EDN1: variants seen among roughly 807,000 people sequenced by gnomAD.
EDN1 encodes endothelin-1.
EDN1 carries 11 observed loss-of-function variants against 21.7 expected under a neutral mutation model. The observed-to-expected ratio is 0.51, with a 90% CI of 0.32 to 0.84. EDN1 has a LOEUF of 0.84. Ranked by LOEUF, EDN1 falls within the 40% of genes least tolerant of loss-of-function variation. EDN1 has a pLI of 0.03. For synonymous variants in EDN1, 85 were observed against 90.6 expected (o/e 0.94, Z 0.35); for missense variants, 244 against 262.3 (o/e 0.93, Z 0.48).
the EDN1 span, among the ~76,000 whole-genome samples, chr6:12,258,673 C>A: frequency 2.0e-5 from 3 of 152,296 alleles, no homozygotes; most frequent in East Asian, 5.8e-4. Context: ...ATCAGTGGAA[C>A]TGCATCATCA....
chr6:12,273,987 A>G, the EDN1 span, among the ~76,000 whole-genome samples: 1 of 152,174 alleles, frequency 6.6e-6, no homozygotes, highest in Non-Finnish European at 1.5e-5. Context: ...TTTCTTACCC[A>G]TATATTGTAC....
intron 2 of EDN1, 52 bp downstream of exon 2, chr6:12,292,561 A>C (rs752415227): frequency 6.2e-7 from 1 of 1,606,290 alleles, no homozygotes; most frequent in Non-Finnish European, 8.5e-7. Context: ...CGCTGGCTCC[A>C]CTGGAGCCCA....
rs1463759205 is a variant in EDN1, at chr6:12,294,362, G to GA, written c.496dup (p.Ile166AsnfsTer27). On this transcript the variant is annotated frameshift_variant, in exon 4 of 5. Coordinates refer to ENST00000379375, the MANE Select transcript of EDN1 (RefSeq NM_001955.5). LOFTEE classifies it high-confidence loss of function. ...ATTTATCAGCAGTTAGTGAGAGGAA[G>GA]AAAAATCAGAAGAAGTTCAGAGGAA... 1.2e-6 allele frequency: 2 copies of GA among 1,614,158 alleles called. No individual in the cohort carries two copies. Among genetic ancestry groups the GA allele is most frequent in the Non-Finnish European group, 1.7e-6 (2 of 1,180,040 alleles).
chr6:12,236,242 A>G, the EDN1 span, among the ~76,000 whole-genome samples: 2 of 152,112 alleles, frequency 1.3e-5, no homozygotes, highest in Non-Finnish European at 2.9e-5. Flanking sequence ...TTGAATGTAC[A>G]TTTTCTAATG....
At chr6:12,247,783 C>T in the EDN1 span, among the ~76,000 whole-genome samples, 2 of 152,016 alleles carry the variant, frequency 1.3e-5, no homozygotes, top group African/African-American at 4.8e-5. Context: ...AGGTGATCCA[C>T]CTGCTTTTGC....
At chr6:12,258,405 G>A in the EDN1 span, among the ~76,000 whole-genome samples, 240 of 122,032 alleles carry the variant, frequency 2.0e-3, no homozygotes, top group Middle Eastern at 7.5e-3. Flanking sequence ...AGCTGTGATT[G>A]CACCACCACA....
chr6:12,281,528 TAA>T, the EDN1 span, among the ~76,000 whole-genome samples: 2 of 152,238 alleles, frequency 1.3e-5, no homozygotes, highest in Non-Finnish European at 2.9e-5. Context: ...AGAGAGAGGC[TAA>T]GTGCCTTGAC....
the EDN1 span, among the ~76,000 whole-genome samples, chr6:12,238,337 C>A: frequency 6.6e-6 from 1 of 152,200 alleles, no homozygotes; most frequent in East Asian, 1.9e-4. Flanking sequence ...AGGCCAGTCC[C>A]TGTCCCAGTG....
the EDN1 span, among the ~76,000 whole-genome samples, chr6:12,231,664 T>C: frequency 6.6e-6 from 1 of 152,166 alleles, no homozygotes; most frequent in Non-Finnish European, 1.5e-5. Context: ...ATTTATTTTA[T>C]TAAACAGAGA....
chr6:12,245,528 T>C, the EDN1 span, among the ~76,000 whole-genome samples: 1 of 152,014 alleles, frequency 6.6e-6, no homozygotes, highest in Non-Finnish European at 1.5e-5. Flanking sequence ...CTGTGAGCTT[T>C]TCCAGCTTCC....
chr6:12,292,161 T>TGAAC (rs111527533), intron 1 of EDN1, among the ~76,000 whole-genome samples, 180 bp from the exon 2 acceptor site: 18,698 of 152,092 alleles, frequency 0.12, 2,197 homozygotes, highest in African/African-American at 0.31. Context: ...AGGCAAAAGG[T>TGAAC]GAACTCATGT....
the EDN1 span, among the ~76,000 whole-genome samples, chr6:12,239,710 A>T: frequency 4.0e-3 from 608 of 152,120 alleles, 4 homozygotes; most frequent in African/African-American, 0.014. Flanking sequence ...GGAGTTTGAG[A>T]TCAGCTTGGG....
At chr6:12,269,343 T>G in the EDN1 span, among the ~76,000 whole-genome samples, 1 of 152,046 alleles carries the variant, frequency 6.6e-6, no homozygotes, top group Non-Finnish European at 1.5e-5. Flanking sequence ...TAATTGTACT[T>G]GCCAGGACTT....
At chr6:12,246,820 T>G in the EDN1 span, among the ~76,000 whole-genome samples, 1 of 152,196 alleles carries the variant, frequency 6.6e-6, no homozygotes, top group Non-Finnish European at 1.5e-5. Context: ...TCCAGTCACA[T>G]CACTAACCTA....
chr6:12,236,810 A>G, the EDN1 span, among the ~76,000 whole-genome samples: 1 of 145,288 alleles, frequency 6.9e-6, no homozygotes. Context: ...CTTAACTTCT[A>G]TCAAGTATAT....
the EDN1 span, among the ~76,000 whole-genome samples, chr6:12,255,368 A>G: frequency 6.6e-6 from 1 of 152,240 alleles, no homozygotes; most frequent in Non-Finnish European, 1.5e-5. Context: ...TAAAGCTCAT[A>G]AAGTCATTTC....
the EDN1 span, among the ~76,000 whole-genome samples, chr6:12,235,981 A>G: frequency 1.3e-5 from 2 of 152,224 alleles, no homozygotes; most frequent in African/African-American, 4.8e-5. Context: ...TGGCTTTACA[A>G]GCAGACTTTC....
At chr6:12,283,002 A>C in the EDN1 span, among the ~76,000 whole-genome samples, 1 of 152,196 alleles carries the variant, frequency 6.6e-6, no homozygotes, top group East Asian at 1.9e-4. Context: ...TAAGACATGA[A>C]TTTCCAGGAA....
At chr6:12,269,828 A>C in the EDN1 span, among the ~76,000 whole-genome samples, 3 of 151,922 alleles carry the variant, frequency 2.0e-5, no homozygotes, top group Non-Finnish European at 4.4e-5. Flanking sequence ...TTATAAAATT[A>C]ATTTGGAAGA....
Sources: gnomAD v4.1 joint callset for allele counts (sites outside exome capture counted in the v4.1 genomes callset) on GRCh38, gnomAD v4.1.1 for gene constraint, MANE v1.5 for transcripts, NCBI Gene and HGNC (gene_info 2026-07-23, HGNC 2026-07-21) for gene names.